PRLR: variants seen among roughly 807,000 people sequenced by gnomAD.
The protein encoded by PRLR is prolactin receptor.
In PRLR, 13 loss-of-function variants were observed where a neutral mutation model predicts 40.2. The observed-to-expected ratio is 0.32, with a 90% CI of 0.21 to 0.51. PRLR has a LOEUF of 0.51. Among genes scored for constraint, PRLR ranks in the 20% least tolerant of loss-of-function variants. PRLR has a pLI of 0.97. For missense variants in PRLR, 656 were observed against 747.3 expected (o/e 0.88, Z 1.42); for synonymous variants, 269 against 278.7 (o/e 0.97, Z 0.35).
intron 1 of PRLR, among the ~76,000 whole-genome samples, chr5:35,128,063 G>A (rs1317540219): frequency 2.0e-5 from 3 of 151,884 alleles, no homozygotes; most frequent in Non-Finnish European, 4.4e-5. Flanking sequence ...TAAACTATAC[G>A]CTGAAAATAT....
chr5:35,226,722 C>T (rs572779348), intron 1 of PRLR, among the ~76,000 whole-genome samples: 21 of 152,336 alleles, frequency 1.4e-4, no homozygotes, highest in Non-Finnish European at 2.1e-4. Context: ...GTTGCTCCCA[C>T]GCCCTGTCCC....
intron 1 of PRLR, among the ~76,000 whole-genome samples, chr5:35,130,549 A>G (rs1773637453): frequency 6.6e-6 from 1 of 152,196 alleles, no homozygotes; most frequent in Admixed American, 6.5e-5. Flanking sequence ...TGTGATCTCA[A>G]TCCTTGTCAA....
At chr5:35,089,711 A>G (rs1013913079) in intron 2 of PRLR, 48 bp from the exon 3 acceptor site, 7 of 1,173,100 alleles carry the variant, frequency 6.0e-6, no homozygotes, top group Admixed American at 1.8e-5. Flanking sequence ...CAGTCTGGTC[A>G]GGCACATCCA....
intron 1 of PRLR, among the ~76,000 whole-genome samples, chr5:35,212,368 C>T (rs532983379): frequency 2.0e-5 from 3 of 152,302 alleles, no homozygotes; most frequent in Admixed American, 6.5e-5. Context: ...TCCCCACCTA[C>T]TAAGAAACAT....
intron 5 of PRLR, among the ~76,000 whole-genome samples, chr5:35,074,890 C>T (rs1769975670): frequency 6.6e-6 from 1 of 152,080 alleles, no homozygotes; most frequent in Non-Finnish European, 1.5e-5. Flanking sequence ...TGCTGGGGTG[C>T]TGGCTTGCCT....
At chr5:35,210,939 T>C (rs1262941108) in intron 1 of PRLR, among the ~76,000 whole-genome samples, 1 of 152,124 alleles carries the variant, frequency 6.6e-6, no homozygotes, top group Non-Finnish European at 1.5e-5. Flanking sequence ...CTCAAACTAC[T>C]TGGGTGCAAG....
At chr5:35,167,024 C>A (rs1399171690) in intron 1 of PRLR, among the ~76,000 whole-genome samples, 2 of 152,012 alleles carry the variant, frequency 1.3e-5, no homozygotes, top group African/African-American at 2.4e-5. Flanking sequence ...ATGGTAAATT[C>A]AATTCTATAC....
intron 2 of PRLR, among the ~76,000 whole-genome samples, chr5:35,105,519 T>C (rs921263532): frequency 1.3e-5 from 2 of 152,116 alleles, no homozygotes; most frequent in Non-Finnish European, 2.9e-5. Flanking sequence ...AAACAGTGTA[T>C]AGAGAAGACC....
chr5:35,131,280 T>A (rs1414224218), intron 1 of PRLR, among the ~76,000 whole-genome samples: 2 of 152,180 alleles, frequency 1.3e-5, no homozygotes, highest in African/African-American at 4.8e-5. Context: ...TTTATTCTAG[T>A]GTAGCAGTGA....
intron 1 of PRLR, among the ~76,000 whole-genome samples, chr5:35,213,164 C>G (rs1776210900): frequency 6.6e-6 from 1 of 152,298 alleles, no homozygotes; most frequent in African/African-American, 2.4e-5. Context: ...GAAAAATGTC[C>G]TGATCAACGA....
At chr5:35,054,363 C>T (rs1284015039), downstream of PRLR, among the ~76,000 whole-genome samples, 1 of 152,162 alleles carries the variant, frequency 6.6e-6, no homozygotes, top group East Asian at 1.9e-4. Context: ...CATAGGAATG[C>T]TCATTGCATA....
intron 2 of PRLR, among the ~76,000 whole-genome samples, chr5:35,104,980 G>A (rs1465051659): frequency 3.3e-5 from 5 of 152,166 alleles, no homozygotes; most frequent in Admixed American, 3.3e-4. Flanking sequence ...AGTAGGGGCC[G>A]ACTGACACCT....
intron 8 of PRLR, among the ~76,000 whole-genome samples, chr5:35,049,903 C>CTTTTTTTTTTTT (rs57649490): frequency 8.1e-6 from 1 of 123,548 alleles, no homozygotes. Context: ...AAACTACATT[C>CTTTTTTTTTTTT]TTTTTTTTTT....
chr5:35,166,657 A>C lies in PRLR; in HGVS notation c.-105-48535T>G, dbSNP rs112485567. Among the ~76,000 whole-genome samples, 7 of 152,284 alleles carry C rather than the reference A, an allele frequency of 4.6e-5. 1 individual carries two copies. The highest frequency in any genetic ancestry group is 1.7e-4 in the African/African-American group (7 of 41,576). ...CAATCTTGAAGACAAATAGGAGAAG[A>C]AGCTCTGATACTCCACAAAAAATGA... On this transcript the variant is annotated intron_variant, in intron 1 of 9. Transcript: ENST00000618457.
intron 1 of PRLR, among the ~76,000 whole-genome samples, chr5:35,210,719 C>CT (rs1009079666): frequency 4.0e-5 from 6 of 151,208 alleles, no homozygotes; most frequent in Non-Finnish European, 7.4e-5. Context: ...ATCTCTTCCT[C>CT]TTTTTTTTTG....
At chr5:35,142,011 C>A (rs181306807) in intron 1 of PRLR, among the ~76,000 whole-genome samples, 1 of 152,336 alleles carries the variant, frequency 6.6e-6, no homozygotes, top group East Asian at 1.9e-4. Flanking sequence ...ATAACCCACA[C>A]TCAGAGTTGG....
chr5:35,211,167 C>T (rs76632892), intron 1 of PRLR, among the ~76,000 whole-genome samples: 12,193 of 152,276 alleles, frequency 0.08, 888 homozygotes, highest in African/African-American at 0.19. Flanking sequence ...GTTTAGAGCA[C>T]TTTGCAAAAG....
rs1008991722 is a variant in PRLR at position 35,065,480 on chromosome 5, A to T, written c.1478T>A (p.Leu493Gln). 1.2e-6 allele frequency: 2 copies of T among 1,614,190 alleles called. No individual in the cohort carries two copies. Among genetic ancestry groups the T allele is most frequent in the Admixed American group, 3.3e-5 (2 of 60,022 alleles). The change falls in exon 10 of 10, where the codon CTG (leucine) becomes CAG (glutamine). Residue 493 changes from leucine (L) to glutamine (Q), a missense_variant. By Grantham distance (113) the Leu-to-Gln change is moderately radical. Around this residue, in one of 3 missense-constraint regions of PRLR, gnomAD observed 469 missense variants for 491.5 expected, o/e 0.95. Transcript: ENST00000618457. ...AAAGGGGGTTTTCTCCTGGGGCAGCAGCCAGGGCGTATCCTGGTCAGTCTC... is the reference window on the plus strand; with the variant it reads ...AAAGGGGGTTTTCTCCTGGGGCAGCTGCCAGGGCGTATCCTGGTCAGTCTC... ...HSETDQDTPW[L>Q]LPQEKTPFGS...
At chr5:35,127,831 G>C (rs1412543452) in intron 1 of PRLR, among the ~76,000 whole-genome samples, 2 of 152,180 alleles carry the variant, frequency 1.3e-5, no homozygotes, top group Non-Finnish European at 2.9e-5. Context: ...GTGGATGAGT[G>C]GTTGCCAGGG....
Sources: allele counts gnomAD v4.1 joint callset (sites outside exome capture counted in the v4.1 genomes callset), GRCh38; gene constraint gnomAD v4.1.1; regional missense constraint gnomAD v4.1.1; transcripts MANE v1.5; gene names NCBI Gene and HGNC (gene_info 2026-07-23, HGNC 2026-07-21).